STAU2: variants seen among roughly 807,000 people sequenced by gnomAD.
STAU2 encodes the protein staufen double-stranded RNA binding protein 2.
In STAU2, 20 loss-of-function variants were observed where a neutral mutation model predicts 65.9. The ratio of observed to expected loss-of-function variants is 0.30; its 90% CI spans 0.21 to 0.44. The LOEUF (loss-of-function observed/expected upper bound fraction) is 0.44. Ranked by LOEUF, STAU2 falls within the 20% of genes least tolerant of loss-of-function variation. The pLI is 1.00. For missense variants in STAU2, 558 were observed against 683.9 expected (o/e 0.82, Z 2.05); for synonymous variants, 232 against 233.9 (o/e 0.99, Z 0.07).
intron 13 of STAU2, chr8:73,549,866 G>A (rs1255646220): frequency 6.1e-6 from 6 of 985,514 alleles, no homozygotes; most frequent in Non-Finnish European, 6.0e-6. Context: ...AGCTGGTCCT[G>A]TAATTTCTAA....
chr8:73,487,959 CT>C (rs1339538408), intron 13 of STAU2, among the ~76,000 whole-genome samples: 4 of 152,048 alleles, frequency 2.6e-5, no homozygotes, highest in African/African-American at 7.2e-5. Context: ...TACATATATT[CT>C]TTGGGAAAAA....
At position 73,700,322 on chromosome 8, in the gene STAU2, G is replaced by A. The variant is rs373127424; in HGVS notation, c.114+8710C>T. Among the ~76,000 whole-genome samples, 4 of 151,904 alleles carry A rather than the reference G, an allele frequency of 2.6e-5. No homozygotes were observed. The South Asian group carries it at 8.3e-4, about 31-fold the overall frequency. ...CATAATACTGAAAGTACTAGCTAGA[G>A]CAATCAGGCAAGAGAAAGAAAGAAA... On this transcript the variant is annotated intron_variant, in intron 4 of 14. Transcript: ENST00000524300.
chr8:73,505,510 T>C (rs1375360366), intron 13 of STAU2, among the ~76,000 whole-genome samples: 1 of 152,072 alleles, frequency 6.6e-6, no homozygotes, highest in African/African-American at 2.4e-5. Context: ...CCCTGAGACA[T>C]GGAAGGTTTG....
chr8:73,708,957 A>T, intron 4 of STAU2, 75 bp downstream of exon 4: 1 of 1,376,430 alleles, frequency 7.3e-7, no homozygotes, highest in South Asian at 1.9e-5. Flanking sequence ...CCCAAAATAA[A>T]GCACGATTAA....
intron 13 of STAU2, among the ~76,000 whole-genome samples, chr8:73,442,330 G>A (rs975286227): frequency 2.1e-5 from 3 of 146,180 alleles, no homozygotes; most frequent in African/African-American, 7.7e-5. Context: ...CTCCAGCCTG[G>A]GCGACAGAGC....
chr8:73,634,466 C>T (rs1963621), intron 6 of STAU2, among the ~76,000 whole-genome samples: 147,940 of 152,210 alleles, frequency 0.97, 71,914 homozygotes, highest in East Asian at 1. Flanking sequence ...AGGCAGAAGA[C>T]ATAGTAAGCT....
chr8:73,581,317 A>C (rs1171118209), intron 12 of STAU2, among the ~76,000 whole-genome samples: 2 of 152,204 alleles, frequency 1.3e-5, no homozygotes, highest in African/African-American at 4.8e-5. Flanking sequence ...TTAGTGCCTG[A>C]ATGTAACTAT....
intron 11 of STAU2, among the ~76,000 whole-genome samples, chr8:73,589,591 C>T (rs949864420): frequency 2.6e-5 from 4 of 152,064 alleles, no homozygotes; most frequent in African/African-American, 7.2e-5. Flanking sequence ...ACATTGATGT[C>T]ATTATTAATA....
chr8:73,610,538 C>CAAAA (rs59599554), intron 9 of STAU2, among the ~76,000 whole-genome samples: 2 of 95,122 alleles, frequency 2.1e-5, no homozygotes, highest in Admixed American at 1.1e-4. Context: ...GACCCCGTCT[C>CAAAA]AAAAAAAAAA....
chr8:73,712,527 A>G (rs1054111964), intron 3 of STAU2, among the ~76,000 whole-genome samples: 85 of 152,356 alleles, frequency 5.6e-4, no homozygotes, highest in African/African-American at 2.0e-3. Flanking sequence ...TGATTTAAAC[A>G]TTTGTTAAAA....
At chr8:73,732,240 T>A (rs1289348933) in intron 3 of STAU2, among the ~76,000 whole-genome samples, 1 of 152,204 alleles carries the variant, frequency 6.6e-6, no homozygotes, top group Admixed American at 6.5e-5. Context: ...ATCGGGCCAT[T>A]CACAACATGG....
At position 73,552,152 on chromosome 8, in the gene STAU2, T is replaced by G; in HGVS notation, c.1390A>C (p.Ile464Leu). ...CCATTCATAAGGAGTTCCCTGGCAA[T>G]TGTAGCTGAACTATTCGATGTGGGA... ...ISPTSNSSAT[I>L]ARELLMNGTS... Residue 464 changes from isoleucine to leucine, a missense_variant, in exon 13 of 15, where the codon ATT becomes CTT. Ile to Leu is a conservative substitution (Grantham distance 5, BLOSUM62 2). Transcript: ENST00000524300. The G allele has an allele frequency of 6.2e-7, 1 of 1,613,990 alleles. No homozygotes were observed. Among genetic ancestry groups the G allele is most frequent in the Non-Finnish European group, 8.5e-7 (1 of 1,179,872 alleles).
chr8:73,543,884 A>T (rs1372194413), intron 13 of STAU2, among the ~76,000 whole-genome samples: 1 of 152,056 alleles, frequency 6.6e-6, no homozygotes, highest in East Asian at 1.9e-4. Context: ...ATGACTCTCA[A>T]ATCTGTATGT....
chr8:73,669,959 T>C (rs776469069), intron 6 of STAU2, among the ~76,000 whole-genome samples: 1 of 151,980 alleles, frequency 6.6e-6, no homozygotes, highest in Non-Finnish European at 1.5e-5. Context: ...ATAAAACAAA[T>C]ATAAAGATGT....
At chr8:73,471,816 C>CCAAAA (rs1820039161) in intron 13 of STAU2, among the ~76,000 whole-genome samples, 1 of 15,252 alleles carries the variant, frequency 6.6e-5, no homozygotes, top group African/African-American at 2.0e-4. Context: ...GAGACTCCAA[C>CCAAAA]TAAAAAAAAA....
intron 6 of STAU2, chr8:73,672,432 T>A (rs1440299586): frequency 1.3e-5 from 2 of 152,134 alleles, no homozygotes. Flanking sequence ...CACGTGAGGC[T>A]ATACGTATGT....
At chr8:73,506,262 T>C (rs1348537997) in intron 13 of STAU2, among the ~76,000 whole-genome samples, 1 of 152,174 alleles carries the variant, frequency 6.6e-6, no homozygotes, top group African/African-American at 2.4e-5. Flanking sequence ...AGTTCCCCTG[T>C]GCACGTATGC....
chr8:73,699,352 G>A (rs1429199917), intron 4 of STAU2, among the ~76,000 whole-genome samples: 1 of 151,614 alleles, frequency 6.6e-6, no homozygotes, highest in Non-Finnish European at 1.5e-5. Flanking sequence ...AATTTGAAAT[G>A]AAAAAATTAT....
At chr8:73,609,821 A>G (rs927319065) in intron 9 of STAU2, among the ~76,000 whole-genome samples, 3 of 152,218 alleles carry the variant, frequency 2.0e-5, no homozygotes, top group African/African-American at 7.2e-5. Flanking sequence ...AAGATGTTAA[A>G]TAAGTAGGAA....
Sources: gnomAD v4.1 joint callset for allele counts (sites outside exome capture counted in the v4.1 genomes callset) on GRCh38, gnomAD v4.1.1 for gene constraint, MANE v1.5 for transcripts, NCBI Gene and HGNC (gene_info 2026-07-23, HGNC 2026-07-21) for gene names.